ADCY10: variants seen among roughly 807,000 people sequenced by gnomAD.
ADCY10 encodes adenylate cyclase type 10.
ADCY10 carries 156 observed loss-of-function variants against 183.3 expected under a neutral mutation model. That is an observed-to-expected ratio of 0.85 (90% CI 0.75 to 0.97). The LOEUF (loss-of-function observed/expected upper bound fraction) is 0.97, where lower values mean the gene tolerates loss of function less well. Ranked by LOEUF, ADCY10 falls within the 50% of genes least tolerant of loss-of-function variation. The pLI, the probability that ADCY10 is intolerant of heterozygous loss-of-function variation, is 0.00. For missense variants in ADCY10, 1,745 were observed against 1,934.3 expected (o/e 0.90, Z 1.84); for synonymous variants, 645 against 670.0 (o/e 0.96, Z 0.58).
chr1:167,848,532 G>A (rs754298980), intron 18 of ADCY10, 43 bp from the exon 19 acceptor site: 3 of 1,609,442 alleles, frequency 1.9e-6, no homozygotes, highest in South Asian at 2.2e-5. Flanking sequence ...TCATTATCCT[G>A]TCTTATAAGG....
intron 3 of ADCY10, among the ~76,000 whole-genome samples, chr1:167,902,814 G>T (rs1309827615): frequency 6.6e-6 from 1 of 152,172 alleles, no homozygotes; most frequent in East Asian, 1.9e-4. Flanking sequence ...GGTTGACAAG[G>T]GGACTAAAGT....
intron 18 of ADCY10, among the ~76,000 whole-genome samples, chr1:167,852,560 C>T (rs59131085): frequency 0.046 from 7,025 of 152,114 alleles, 228 homozygotes; most frequent in South Asian, 0.091. Flanking sequence ...ATTTACATAT[C>T]GCTTTCCTTT....
intron 26 of ADCY10, among the ~76,000 whole-genome samples, chr1:167,829,037 G>C (rs1389872992): frequency 6.6e-6 from 1 of 152,120 alleles, no homozygotes; most frequent in Non-Finnish European, 1.5e-5. Context: ...GCTATCAATA[G>C]ATTCAACCCA....
At chr1:167,835,927 C>A (rs1664157834) in intron 23 of ADCY10, among the ~76,000 whole-genome samples, 1 of 152,032 alleles carries the variant, frequency 6.6e-6, no homozygotes. Flanking sequence ...ATCCAAAGAC[C>A]TACAGGTATT....
At chr1:167,826,712 C>T (rs1199057754) in intron 26 of ADCY10, among the ~76,000 whole-genome samples, 1 of 152,196 alleles carries the variant, frequency 6.6e-6, no homozygotes, top group African/African-American at 2.4e-5. Flanking sequence ...GATTTACACA[C>T]TGGTAAGGGA....
intron 14 of ADCY10, among the ~76,000 whole-genome samples, chr1:167,867,415 G>A (rs1571347089): frequency 6.6e-6 from 1 of 152,200 alleles, no homozygotes; most frequent in East Asian, 1.9e-4. Context: ...CTCAGACTGA[G>A]AACTGTTCCC....
At chr1:167,888,845 C>A (rs1385187957) in intron 8 of ADCY10, among the ~76,000 whole-genome samples, 2 of 77,498 alleles carry the variant, frequency 2.6e-5, no homozygotes, top group African/African-American at 1.1e-4. Context: ...AACTGCAGTC[C>A]AGCCTGGGCG....
chr1:167,896,185 T>C (rs757261948), intron 7 of ADCY10, among the ~76,000 whole-genome samples: 1 of 151,998 alleles, frequency 6.6e-6, no homozygotes, highest in African/African-American at 2.4e-5. Context: ...AGCACAGACA[T>C]CAAGGTGCTT....
chr1:167,872,313 G>C (rs1166230238), intron 13 of ADCY10, among the ~76,000 whole-genome samples: 1 of 151,628 alleles, frequency 6.6e-6, no homozygotes. Flanking sequence ...ACTCCAGCCT[G>C]GGCAACAAGA....
At chr1:167,834,122 T>C (rs769092271) in intron 23 of ADCY10, 45 bp from the exon 24 acceptor site, 4 of 1,487,540 alleles carry the variant, frequency 2.7e-6, no homozygotes, top group Admixed American at 3.4e-5. Flanking sequence ...TCAGCAGGGA[T>C]TGAGCCCACA....
intron 31 of ADCY10, among the ~76,000 whole-genome samples, chr1:167,817,708 C>A (rs1404938024): frequency 6.6e-6 from 1 of 152,096 alleles, no homozygotes; most frequent in Non-Finnish European, 1.5e-5. Context: ...ATAATTAGGC[C>A]ATACAATCAT....
At position 167,878,624 on chromosome 1, in the gene ADCY10, T is replaced by C. The variant is rs1220912446; in HGVS notation, c.1228A>G (p.Lys410Glu). Residue 410 changes from lysine (K) to glutamate (E), a missense_variant, in exon 12 of 33, where the codon AAA (lysine) becomes GAA (glutamate). Lys to Glu is a moderately conservative substitution (Grantham distance 56). Transcript: ENST00000367851. ...VRHEYTVIGQ[K>E]VNLAARMMMY... ...ATCATCCTGGCAGCTAAGTTGACTT[T>C]TTGACCAATGACTATAGCAAGAAAG... 1.9e-6 allele frequency: 3 copies of C among 1,614,078 alleles called. No individual in the cohort carries two copies. Among genetic ancestry groups the C allele is most frequent in the South Asian group, 2.2e-5 (2 of 91,084 alleles).
intron 13 of ADCY10, among the ~76,000 whole-genome samples, chr1:167,874,272 A>G (rs1446793745): frequency 6.6e-6 from 1 of 152,200 alleles, no homozygotes; most frequent in Non-Finnish European, 1.5e-5. Context: ...TAGAGGTTGT[A>G]GTGAGCCAAG....
At chr1:167,839,685 G>T (rs972288421) in intron 21 of ADCY10, among the ~76,000 whole-genome samples, 5 of 152,020 alleles carry the variant, frequency 3.3e-5, no homozygotes, top group Non-Finnish European at 7.4e-5. Flanking sequence ...TTGTCTGTCA[G>T]TTGCCATTAA....
At chr1:167,857,141 G>A (rs528568186) in intron 16 of ADCY10, among the ~76,000 whole-genome samples, 20 of 152,306 alleles carry the variant, frequency 1.3e-4, no homozygotes, top group African/African-American at 3.6e-4. Context: ...AACCACTTAC[G>A]TAGCAGGCTC....
chr1:167,858,398 T>C (rs1296544964), intron 16 of ADCY10, among the ~76,000 whole-genome samples: 3 of 146,632 alleles, frequency 2.0e-5, no homozygotes, highest in African/African-American at 7.6e-5. Flanking sequence ...GTCGGGAGGC[T>C]GAGGCAGGAG....
intron 13 of ADCY10, among the ~76,000 whole-genome samples, chr1:167,874,377 G>A (rs1185775932): frequency 1.3e-5 from 2 of 151,984 alleles, no homozygotes; most frequent in African/African-American, 4.8e-5. Flanking sequence ...ATAAACTTAT[G>A]AAGAAGGAGC....
At position 167,829,295 on chromosome 1, in the gene ADCY10, G is replaced by A. The variant is rs139838880; in HGVS notation, c.3722C>T (p.Thr1241Ile). 8 of 1,614,092 alleles carry A rather than the reference G, an allele frequency of 5.0e-6. No homozygotes were observed. The African/African-American group carries it at 8.0e-5, about 16-fold the overall frequency. ...GAAACAATTTTGAGTTTCCAGTGCA[G>A]TATTCATTTGCATCATAACTGCCAG... is the stretch of plus-strand genomic sequence containing the variant. ...AHLAVMMQMN[T>I]ALETQNCFQI... Residue 1241 changes from threonine (T) to isoleucine (I), a missense_variant, in exon 26 of 33, where the codon ACT (threonine) becomes ATT (isoleucine). Thr to Ile is a moderately conservative substitution (Grantham distance 89). Transcript: ENST00000367851.
Position 167,829,260 on chromosome 1 carries a change from C to G in ADCY10, c.3750+7G>C, listed in dbSNP as rs539154190. On this transcript the variant is annotated splice_region_variant and intron_variant, in intron 26 of 32. Coordinates refer to ENST00000367851, the MANE Select transcript of ADCY10 (RefSeq NM_018417.6). ...AACTTAAAGGAGCAGCTACAAAAAT[C>G]CCCTACCTGGAAACAATTTTGAGTT... is the stretch of plus-strand genomic sequence containing the variant. The G allele has an allele frequency of 6.2e-7, 1 of 1,613,918 alleles. No individual in the cohort carries two copies. The highest frequency in any genetic ancestry group is 1.3e-5 in the African/African-American group (1 of 75,040).
Sources: allele counts gnomAD v4.1 joint callset (sites outside exome capture counted in the v4.1 genomes callset), GRCh38; gene constraint gnomAD v4.1.1; transcripts MANE v1.5; gene names NCBI Gene and HGNC (gene_info 2026-07-23, HGNC 2026-07-21).